RASSF3: variants seen among roughly 807,000 people sequenced by gnomAD.
RASSF3 encodes Ras association domain family member 3.
Under a neutral mutation model 19.9 loss-of-function variants are expected in RASSF3, and 19 were observed. That is an observed-to-expected ratio of 0.96 (90% CI 0.67 to 1.40). The LOEUF (loss-of-function observed/expected upper bound fraction) is 1.40. RASSF3 is among the 40% of genes most tolerant of loss of function. The pLI, the probability that RASSF3 is intolerant of heterozygous loss-of-function variation, is 0.00. For missense variants in RASSF3, 306 were observed against 289.8 expected (o/e 1.06, Z -0.41); for synonymous variants, 110 against 104.2 (o/e 1.06, Z -0.34).
At chr12:64,574,301 ACT>A (rs1339993871) in intron 2 of RASSF3, among the ~76,000 whole-genome samples, 2 of 150,242 alleles carry the variant, frequency 1.3e-5, no homozygotes, top group African/African-American at 4.9e-5. Context: ...ACAGAGCGAG[ACT>A]CTGTCTTAAA....
downstream of RASSF3, among the ~76,000 whole-genome samples, chr12:64,542,695 G>A (rs892982894): frequency 6.6e-6 from 1 of 152,204 alleles, no homozygotes; most frequent in East Asian, 1.9e-4. Flanking sequence ...TTCAAGACCA[G>A]CCTGAGCAAC....
At chr12:64,587,177 C>T (rs990224810) in intron 2 of RASSF3, among the ~76,000 whole-genome samples, 1 of 151,120 alleles carries the variant, frequency 6.6e-6, no homozygotes, top group African/African-American at 2.4e-5. Flanking sequence ...GTCTCAGCCT[C>T]CCGAGTAGCT....
intron 2 of RASSF3, among the ~76,000 whole-genome samples, chr12:64,559,831 A>C (rs922804499): frequency 3.3e-5 from 5 of 152,134 alleles, no homozygotes; most frequent in African/African-American, 1.2e-4. Context: ...TCTGATTCCA[A>C]AGTTTTCCAC....
intron 4 of RASSF3, 113 bp from the exon 5 acceptor site, chr12:64,694,650 G>A (rs1467850607): frequency 5.1e-6 from 6 of 1,165,470 alleles, no homozygotes; most frequent in East Asian, 2.4e-5. Flanking sequence ...CACCTTCTGC[G>A]GCATGGGGCT....
chr12:64,543,447 C>CCCCCGCTCCCCGCCTGCCCCCCCCGCT (rs1565836117), downstream of RASSF3, among the ~76,000 whole-genome samples: 1 of 62,782 alleles, frequency 1.6e-5, no homozygotes, highest in Non-Finnish European at 3.7e-5. Flanking sequence ...CCCCCGTGCC[C>CCCCCGCTCCCCGCCTGCCCCCCCCGCT]GCCCGCCCCC....
chr12:64,612,127 CCT>C (rs909927894), intron 1 of RASSF3, among the ~76,000 whole-genome samples: 11 of 152,028 alleles, frequency 7.2e-5, no homozygotes, highest in African/African-American at 2.7e-4. Flanking sequence ...TTGGAAACGC[CCT>C]CTCCTCCCCC....
At chr12:64,537,308 C>T (rs1178812820) in intron 1 of RASSF3, among the ~76,000 whole-genome samples, 1 of 152,178 alleles carries the variant, frequency 6.6e-6, no homozygotes, top group East Asian at 1.9e-4. Flanking sequence ...ATTTAAAGCT[C>T]CTAAGACCCC....
rs1265711511 is a variant in RASSF3, at chr12:64,631,967, G to A, written c.111+21224G>A. On this transcript the variant is annotated intron_variant, in intron 1 of 4. Coordinates refer to ENST00000542104, the MANE Select transcript of RASSF3 (RefSeq NM_178169.4). Reference sequence around the variant, plus strand: ...ATCATTGAAAGAGATGCCTCCCTTCGCACTGGAAGGGATGATATTTGGATT... The same window carrying A: ...ATCATTGAAAGAGATGCCTCCCTTCACACTGGAAGGGATGATATTTGGATT... Among the ~76,000 whole-genome samples, 5 of 152,092 alleles carry A rather than the reference G, an allele frequency of 3.3e-5. No homozygotes were observed. The East Asian group carries it at 7.7e-4, about 23-fold the overall frequency.
chr12:64,526,044 A>G (rs556485806), intron 1 of RASSF3, among the ~76,000 whole-genome samples: 2 of 152,262 alleles, frequency 1.3e-5, no homozygotes, highest in South Asian at 2.1e-4. Context: ...ATTTCTCACT[A>G]TGAGACTGCA....
chr12:64,620,378 T>C (rs1870710947), intron 1 of RASSF3, among the ~76,000 whole-genome samples: 1 of 152,192 alleles, frequency 6.6e-6, no homozygotes, highest in Non-Finnish European at 1.5e-5. Context: ...ACCTTTTGGC[T>C]CATGTGAATA....
In RASSF3 at chr12:64,564,673, C is replaced by T. The variant is rs761058781; in HGVS notation, c.294+22968C>T. Among the ~76,000 whole-genome samples the T allele has an allele frequency of 3.9e-5, 6 of 152,108 alleles. No individual in the cohort carries two copies. The East Asian group carries it at 5.8e-4, about 15-fold the overall frequency. The stretch of plus-strand genomic sequence containing the variant: ...CTGGGATTACAGGCGTGAGCCACTG[C>T]GCCCAGCCCTCCCTAACACATTTCT... On this transcript the variant is annotated intron_variant, in intron 2 of 5. Transcript: ENST00000637125.
intron 1 of RASSF3, among the ~76,000 whole-genome samples, chr12:64,538,730 C>CT (rs1868882279): frequency 6.6e-6 from 1 of 152,082 alleles, no homozygotes; most frequent in African/African-American, 2.4e-5. Context: ...ATATCCTTAT[C>CT]TTTTTTCTAT....
chr12:64,641,212 A>T (rs539340542), intron 1 of RASSF3, among the ~76,000 whole-genome samples: 173 of 150,922 alleles, frequency 1.1e-3, no homozygotes, highest in Middle Eastern at 3.4e-3. Flanking sequence ...CCTGGGCAAC[A>T]TGATGAAACC....
intron 1 of RASSF3, among the ~76,000 whole-genome samples, chr12:64,641,402 G>GCACACACACACACACACA (rs1555213814): frequency 6.8e-5 from 7 of 102,676 alleles, no homozygotes; most frequent in South Asian, 3.4e-4. Flanking sequence ...TCTCACAGGC[G>GCACACACACACACACACA]CACACACACA....
upstream of RASSF3, among the ~76,000 whole-genome samples, chr12:64,610,059 G>A (rs150344505): frequency 5.4e-3 from 815 of 152,200 alleles, 11 homozygotes; most frequent in African/African-American, 0.018. Flanking sequence ...TCCCTCGGCC[G>A]GGCAACCCCC....
At chr12:64,694,677 C>G in intron 4 of RASSF3, 86 bp from the exon 5 acceptor site, 3 of 1,465,462 alleles carry the variant, frequency 2.0e-6, no homozygotes, top group Non-Finnish European at 2.8e-6. Context: ...GGAGGGCAGC[C>G]GCACCTCTGG....
intron 2 of RASSF3, among the ~76,000 whole-genome samples, chr12:64,686,148 C>T (rs1383057336): frequency 6.6e-6 from 1 of 151,660 alleles, no homozygotes. Flanking sequence ...TTTTCAAACA[C>T]ATTTTTTCAT....
At chr12:64,634,346 T>C (rs1265328285) in intron 1 of RASSF3, among the ~76,000 whole-genome samples, 1 of 151,856 alleles carries the variant, frequency 6.6e-6, no homozygotes, top group Non-Finnish European at 1.5e-5. Context: ...AAAAAATTCA[T>C]TTTTTCATAG....
rs891394836 is a variant in RASSF3, at chr12:64,626,506, G to GA, written c.111+15772dup. 5.1e-5 allele frequency among the ~76,000 whole-genome samples: 7 copies of GA among 136,160 alleles called. No individual in the cohort carries two copies. In the East Asian group the frequency reaches 6.3e-4, roughly 12 times the overall value. The allele number at this position is 136,160 out of a possible 152,430, so 89.3% of individuals were successfully genotyped here. ...CTTGTCTCAAAAAAAAAAAAAAAAA[G>GA]AAAAAAAAAGAAAAAGATTAACAGT... On this transcript the variant is annotated intron_variant, in intron 1 of 4. Coordinates refer to ENST00000542104, the MANE Select transcript of RASSF3 (RefSeq NM_178169.4).
Sources: gnomAD v4.1 joint callset for allele counts (sites outside exome capture counted in the v4.1 genomes callset) on GRCh38, gnomAD v4.1.1 for gene constraint, MANE v1.5 for transcripts, NCBI Gene and HGNC (gene_info 2026-07-23, HGNC 2026-07-21) for gene names.